The following FHOD3 variants were observed in gnomAD, a reference collection of about 807,000 sequenced individuals.
FHOD3 encodes the protein formin homology 2 domain containing 3.
FHOD3 carries 90 observed loss-of-function variants against 173.0 expected under a neutral mutation model. That is an observed-to-expected ratio of 0.52 (90% CI 0.44 to 0.62). The LOEUF is 0.62. Ranked by LOEUF, FHOD3 falls within the 20% of genes least tolerant of loss-of-function variation. The probability of loss-of-function intolerance (pLI) is 0.00; values close to 1 mark genes in which losing one functional copy is unlikely to be tolerated. For synonymous variants in FHOD3, 828 were observed against 823.0 expected (o/e 1.01, Z -0.10); for missense variants, 1,945 against 2,034.7 (o/e 0.96, Z 0.85).
intron 3 of FHOD3, among the ~76,000 whole-genome samples, chr18:36,387,613 C>G (rs976098909): frequency 1.1e-4 from 17 of 152,178 alleles, no homozygotes; most frequent in Admixed American, 9.2e-4. Flanking sequence ...TGAAGCAGTT[C>G]CATCCACTTT....
chr18:36,511,772 A>G (rs1489605674), intron 4 of FHOD3, among the ~76,000 whole-genome samples: 1 of 152,188 alleles, frequency 6.6e-6, no homozygotes, highest in Non-Finnish European at 1.5e-5. Flanking sequence ...GAACCACCGG[A>G]TGAGATGACC....
At chr18:36,730,870 G>A (rs1273765452) in intron 20 of FHOD3, 66 bp downstream of exon 20, 1 of 1,483,752 alleles carries the variant, frequency 6.7e-7, no homozygotes, top group Admixed American at 1.9e-5. Flanking sequence ...TATGCTGCAT[G>A]TCCACATTTC....
At chr18:36,338,991 T>C (rs1202313054) in intron 1 of FHOD3, among the ~76,000 whole-genome samples, 1 of 152,136 alleles carries the variant, frequency 6.6e-6, no homozygotes, top group East Asian at 1.9e-4. Context: ...CTCTTGGTTT[T>C]CAGCCCAGCC....
chr18:36,326,855 C>T (rs995689481), intron 1 of FHOD3, among the ~76,000 whole-genome samples: 3 of 152,156 alleles, frequency 2.0e-5, no homozygotes, highest in Non-Finnish European at 2.9e-5. Flanking sequence ...CAAAGAACGT[C>T]GTTGGCTTAG....
intron 3 of FHOD3, among the ~76,000 whole-genome samples, chr18:36,448,299 A>G (rs1568284323): frequency 6.6e-6 from 1 of 152,226 alleles, no homozygotes; most frequent in Non-Finnish European, 1.5e-5. Flanking sequence ...CATAAAGGGT[A>G]GGGTAGAAGC....
chr18:36,325,113 T>C (rs889977031), intron 1 of FHOD3, among the ~76,000 whole-genome samples: 3 of 152,220 alleles, frequency 2.0e-5, no homozygotes, highest in East Asian at 3.9e-4. Flanking sequence ...AGTTCTAGTA[T>C]AGGGAAAACT....
At chr18:36,545,580 C>G (rs1174874513) in intron 5 of FHOD3, among the ~76,000 whole-genome samples, 1 of 152,158 alleles carries the variant, frequency 6.6e-6, no homozygotes, top group Non-Finnish European at 1.5e-5. Context: ...TATCATGAAA[C>G]TTTTTAAGTT....
intron 3 of FHOD3, among the ~76,000 whole-genome samples, chr18:36,404,790 T>C (rs2146744712): frequency 6.6e-6 from 1 of 152,344 alleles, no homozygotes; most frequent in South Asian, 2.1e-4. Context: ...AGGGCTGCCA[T>C]GCTTGCTGTT....
In FHOD3 at chr18:36,693,280, G is replaced by A; in HGVS notation, c.2093G>A (p.Gly698Asp). 2 of 1,613,844 alleles carry A rather than the reference G, an allele frequency of 1.2e-6. No individual in the cohort carries two copies. Among genetic ancestry groups the A allele is most frequent in the Non-Finnish European group, 1.7e-6 (2 of 1,179,840 alleles). ...CTGAGAAGCCGGAGTGTGAGCCGGG[G>A]CAGAGCCGACCTCTCCTTGGACCTG... ...KELRSRSVSR[G>D]RADLSLDLTS... The change falls in exon 17 of 29, where the codon GGC becomes GAC. Residue 698 changes from glycine (G) to aspartate (D), a missense_variant. By Grantham distance (94) the Gly-to-Asp change is moderately conservative (BLOSUM62 -1). This residue lies in a region of FHOD3 where 1,099 missense variants were observed against 1,051.2 expected (regional missense o/e 1.05). Transcript: ENST00000590592.
intron 3 of FHOD3, among the ~76,000 whole-genome samples, chr18:36,448,806 T>G (rs1047237133): frequency 1.3e-5 from 2 of 152,142 alleles, no homozygotes; most frequent in Non-Finnish European, 2.9e-5. Flanking sequence ...CAGCTGGTCT[T>G]GCGGTTGAGA....
intron 6 of FHOD3, among the ~76,000 whole-genome samples, chr18:36,578,733 C>T (rs1481875006): frequency 6.6e-6 from 1 of 152,152 alleles, no homozygotes; most frequent in Non-Finnish European, 1.5e-5. Context: ...CCTTCTCAGG[C>T]TTCTCAGAAT....
At chr18:36,576,419 A>C (rs768254441) in intron 5 of FHOD3, 32 bp from the exon 6 acceptor site, 5 of 1,504,590 alleles carry the variant, frequency 3.3e-6, no homozygotes, top group Non-Finnish European at 4.6e-6. Flanking sequence ...ATATACATCT[A>C]TAATGTCTCC....
At chr18:36,734,076 G>A (rs1820396314) in intron 20 of FHOD3, among the ~76,000 whole-genome samples, 1 of 152,134 alleles carries the variant, frequency 6.6e-6, no homozygotes. Flanking sequence ...CCTCTTCACT[G>A]TGCTGCCTAC....
chr18:36,358,626 G>A (rs2145820902), intron 2 of FHOD3, among the ~76,000 whole-genome samples: 1 of 152,264 alleles, frequency 6.6e-6, no homozygotes, highest in South Asian at 2.1e-4. Flanking sequence ...GAGGAAGGTA[G>A]CCCAAAAGAT....
Position 36,316,839 on chromosome 18 carries a change from A to AT in FHOD3, c.165+18841dup, listed in dbSNP as rs566408438. On this transcript the variant is annotated intron_variant, in intron 1 of 28. Transcript: ENST00000590592. The stretch of plus-strand genomic sequence containing the variant: ...CTGCACCCATCAACTCATCATTTAC[A>AT]TTAGGTATTTCTCCTAATGCTATCC... Among the ~76,000 whole-genome samples the AT allele has an allele frequency of 2.1e-4, 32 of 152,238 alleles. No homozygotes were observed. The South Asian group carries it at 6.4e-3, about 31-fold the overall frequency.
chr18:36,653,421 G>T lies in FHOD3; in HGVS notation c.1721+5G>T, dbSNP rs1488175005. ...CCGATCTTTCTCTTCTAATAGGTGG[G>T]TGTCTTTATTTTCTTTCCCTTTTCT... On this transcript the variant is annotated splice_donor_5th_base_variant and intron_variant, in intron 13 of 28. Coordinates refer to ENST00000590592, the MANE Select transcript of FHOD3 (RefSeq NM_001281740.3). The T allele has an allele frequency of 5.9e-6, 9 of 1,522,858 alleles. No homozygotes were observed. The African/African-American group carries it at 9.6e-5, about 16-fold the overall frequency. The allele number at this position is 1,522,858 out of a possible 1,614,324, so 94.3% of individuals were successfully genotyped here. A position where few individuals can be genotyped will look rare whatever the true frequency, so the allele number is the denominator to read the frequency against.
intron 19 of FHOD3, among the ~76,000 whole-genome samples, chr18:36,730,330 A>G (rs1347796135): frequency 6.6e-6 from 1 of 152,142 alleles, no homozygotes; most frequent in Non-Finnish European, 1.5e-5. Flanking sequence ...AAAGGTTTTG[A>G]TTTTGTTTTC....
intron 10 of FHOD3, among the ~76,000 whole-genome samples, chr18:36,637,618 A>G (rs1197875368): frequency 1.3e-5 from 2 of 152,190 alleles, no homozygotes; most frequent in African/African-American, 4.8e-5. Context: ...GTGAACATGA[A>G]CCTTACAAAA....
At chr18:36,684,238 A>C (rs528220454) in intron 15 of FHOD3, among the ~76,000 whole-genome samples, 1 of 152,224 alleles carries the variant, frequency 6.6e-6, no homozygotes, top group African/African-American at 2.4e-5. Context: ...TAAAACAAAA[A>C]TCAAGATTCT....
Sources: gnomAD v4.1 joint callset for allele counts (sites outside exome capture counted in the v4.1 genomes callset) on GRCh38, gnomAD v4.1.1 for gene constraint, gnomAD v4.1.1 regional missense constraint, MANE v1.5 for transcripts, NCBI Gene and HGNC (gene_info 2026-07-23, HGNC 2026-07-21) for gene names.